The following DLGAP2 variants were observed in gnomAD, a reference collection of about 807,000 sequenced individuals.
DLGAP2 encodes the protein disks large-associated protein 2.
In DLGAP2, 26 loss-of-function variants were observed where a neutral mutation model predicts 100.3. That is an observed-to-expected ratio of 0.26 (90% confidence interval 0.19 to 0.36). DLGAP2 has a LOEUF of 0.36. DLGAP2 is among the 10% of genes least tolerant of loss of function. The pLI is 1.00. For synonymous variants in DLGAP2, 886 were observed against 630.1 expected, an observed-to-expected ratio of 1.41 and a Z score of -6.08; for missense variants, 1,858 against 1,453.2, an observed-to-expected ratio of 1.28 and a Z score of -4.53.
At chr8:1,616,576 C>G (rs551612244) in intron 6 of DLGAP2, among the ~76,000 whole-genome samples, 1 of 152,108 alleles carries the variant, frequency 6.6e-6, no homozygotes, top group East Asian at 1.9e-4. Flanking sequence ...AGCCAGAAGA[C>G]AATGGAATCA....
At chr8:1,066,840 G>T (rs558150468) in intron 2 of DLGAP2, among the ~76,000 whole-genome samples, 1 of 152,228 alleles carries the variant, frequency 6.6e-6, no homozygotes, top group Non-Finnish European at 1.5e-5. Context: ...GATGGGACGT[G>T]GGAGAGCTGC....
chr8:801,249 T>C (rs183862893), intron 1 of DLGAP2, among the ~76,000 whole-genome samples: 1 of 152,180 alleles, frequency 6.6e-6, no homozygotes, highest in Non-Finnish European at 1.5e-5. Context: ...TACAACTTTG[T>C]TGGATTAATG....
intron 2 of DLGAP2, among the ~76,000 whole-genome samples, chr8:988,559 C>G (rs919628192): frequency 2.6e-4 from 39 of 152,212 alleles, no homozygotes; most frequent in Non-Finnish European, 5.9e-5. Context: ...CAGCCTTGAT[C>G]TGGCTTGTCC....
chr8:996,492 G>A (rs908303494), intron 2 of DLGAP2, among the ~76,000 whole-genome samples: 26 of 152,164 alleles, frequency 1.7e-4, no homozygotes, highest in African/African-American at 6.3e-4. Context: ...TGGAGTGGCC[G>A]GAGGCTCAGG....
chr8:1,640,038 T>C (rs1797859902), intron 8 of DLGAP2, among the ~76,000 whole-genome samples: 2 of 152,238 alleles, frequency 1.3e-5, no homozygotes, highest in African/African-American at 2.4e-5. Context: ...GGGGCGTTAT[T>C]CTGTTTACCA....
rs142888452 is a variant in DLGAP2 at position 1,617,134 on chromosome 8, T to G, written c.1443-9606T>G. 9.4e-3 allele frequency among the ~76,000 whole-genome samples: 1,438 copies of G among 152,368 alleles called. 24 individuals are homozygous for G. The highest frequency in any genetic ancestry group is 0.033 in the African/African-American group (1,367 of 41,580). On this transcript the variant is annotated intron_variant, in intron 6 of 14. Transcript: ENST00000637795. ...CACATTTTCTTTATCTGTCTACCATTGATGGGCATTTAGGTTGATTCCATG... is the reference window on the plus strand; with the variant it reads ...CACATTTTCTTTATCTGTCTACCATGGATGGGCATTTAGGTTGATTCCATG...
chr8:1,273,439 T>C (rs1799621835), intron 3 of DLGAP2, among the ~76,000 whole-genome samples: 1 of 152,202 alleles, frequency 6.6e-6, no homozygotes, highest in Non-Finnish European at 1.5e-5. Context: ...GGGGTCAATG[T>C]GCCTTTATGC....
intron 2 of DLGAP2, among the ~76,000 whole-genome samples, chr8:1,066,720 C>T (rs1477469308): frequency 1.3e-5 from 2 of 152,226 alleles, no homozygotes; most frequent in East Asian, 3.8e-4. Context: ...GCAGCTCCAC[C>T]ACGACTGGCC....
chr8:782,082 T>C (rs1563429322), intron 1 of DLGAP2, among the ~76,000 whole-genome samples: 2 of 152,140 alleles, frequency 1.3e-5, no homozygotes, highest in Non-Finnish European at 2.9e-5. Flanking sequence ...AATTTGAATG[T>C]TTCTAGCATA....
intron 2 of DLGAP2, among the ~76,000 whole-genome samples, chr8:1,005,584 AT>A (rs11370572): frequency 0.37 from 53,975 of 144,968 alleles, 9,914 homozygotes; most frequent in Middle Eastern, 0.41. Context: ...TGCCCAGCTA[AT>A]TTTTTTTTTT....
At chr8:1,415,338 G>C (rs991940247) in intron 3 of DLGAP2, among the ~76,000 whole-genome samples, 1 of 152,064 alleles carries the variant, frequency 6.6e-6, no homozygotes, top group East Asian at 1.9e-4. Flanking sequence ...TTTAGATCCG[G>C]GGGTACGTTG....
At chr8:1,166,462 C>A (rs1797018313) in intron 2 of DLGAP2, among the ~76,000 whole-genome samples, 1 of 152,188 alleles carries the variant, frequency 6.6e-6, no homozygotes, top group Non-Finnish European at 1.5e-5. Context: ...GTGGGCAGAG[C>A]CTTCACATTA....
At chr8:1,117,514 C>G (rs763901510) in intron 2 of DLGAP2, among the ~76,000 whole-genome samples, 5 of 151,848 alleles carry the variant, frequency 3.3e-5, no homozygotes, top group Non-Finnish European at 5.9e-5. Context: ...TAGGACAAGC[C>G]TGAACCAAGA....
intron 2 of DLGAP2, among the ~76,000 whole-genome samples, chr8:919,572 C>G (rs1255865101): frequency 1.3e-5 from 2 of 152,242 alleles, no homozygotes. Flanking sequence ...ATAGAGTCCA[C>G]TGTTCACACT....
chr8:739,724 T>C (rs1820433781), intron 1 of DLGAP2: 1 of 152,208 alleles, frequency 6.6e-6, no homozygotes, highest in African/African-American at 2.4e-5. Context: ...TTGGCTCCAA[T>C]AGTAATTGTA....
intron 4 of DLGAP2, among the ~76,000 whole-genome samples, chr8:1,505,380 T>C (rs963978706): frequency 6.6e-6 from 1 of 152,192 alleles, no homozygotes; most frequent in African/African-American, 2.4e-5. Flanking sequence ...TTTCAAAGCA[T>C]CAATCTTTTT....
intron 8 of DLGAP2, 75 bp from the exon 9 acceptor site, chr8:1,668,254 G>A (rs773272495): frequency 7.4e-7 from 1 of 1,348,502 alleles, no homozygotes; most frequent in Non-Finnish European, 9.9e-7. Context: ...ACAGGGCATG[G>A]GCGTGGGGAA....
At chr8:1,203,762 C>T (rs575058749) in intron 2 of DLGAP2, among the ~76,000 whole-genome samples, 1 of 152,312 alleles carries the variant, frequency 6.6e-6, no homozygotes, top group African/African-American at 2.4e-5. Flanking sequence ...GATGAAATAT[C>T]ACTGTTATTC....
intron 14 of DLGAP2, among the ~76,000 whole-genome samples, chr8:1,699,114 G>C (rs945308087): frequency 6.6e-6 from 1 of 152,242 alleles, no homozygotes. Flanking sequence ...ACTGAAGTTA[G>C]CCCAGGTGCA....
Sources: gnomAD v4.1 joint callset for allele counts (sites outside exome capture counted in the v4.1 genomes callset) on GRCh38, gnomAD v4.1.1 for gene constraint, MANE v1.5 for transcripts, NCBI Gene and HGNC (gene_info 2026-07-23, HGNC 2026-07-21) for gene names.